BCKDHB: variants seen among roughly 807,000 people sequenced by gnomAD.
The protein encoded by BCKDHB is 2-oxoisovalerate dehydrogenase subunit beta, mitochondrial.
Under a neutral mutation model 48.5 loss-of-function variants are expected in BCKDHB, and 41 were observed. The observed-to-expected ratio is 0.85, with a 90% CI of 0.66 to 1.10. The LOEUF (loss-of-function observed/expected upper bound fraction) is 1.10. BCKDHB is among the 50% of genes least tolerant of loss of function. The pLI is 0.00. For missense variants in BCKDHB, 496 were observed against 494.2 expected, an observed-to-expected ratio of 1.00 and a Z score of -0.03; for synonymous variants, 201 against 174.8, an observed-to-expected ratio of 1.15 and a Z score of -1.18.
At position 80,127,586 on chromosome 6, in the gene BCKDHB, G is replaced by A; in HGVS notation, c.236G>A (p.Ser79Asn). The A allele has an allele frequency of 1.9e-6, 3 of 1,613,148 alleles. No homozygotes were observed. Among genetic ancestry groups the A allele is most frequent in the Non-Finnish European group, 2.5e-6 (3 of 1,179,424 alleles). Residue 79 changes from serine to asparagine, a missense_variant, in exon 2 of 10, where the codon AGT becomes AAT. Transcript: ENST00000320393. ...QKMNLFQSVT[S>N]ALDNSLAKDP... ...ATGAATCTTTTCCAGTCTGTAACAA[G>A]TGCCTTGGATAACTCATTGGCCAAA...
intron 1 of BCKDHB, among the ~76,000 whole-genome samples, chr6:80,122,870 G>A (rs1279064852): frequency 2.0e-5 from 3 of 152,010 alleles, no homozygotes; most frequent in East Asian, 3.9e-4. Context: ...ACCCTAATAA[G>A]CCTGAGGGTA....
At chr6:80,192,230 A>G (rs2127807485) in intron 6 of BCKDHB, among the ~76,000 whole-genome samples, 1 of 152,202 alleles carries the variant, frequency 6.6e-6, no homozygotes, top group African/African-American at 2.4e-5. Flanking sequence ...GATGCCCTTT[A>G]TTGAAATATT....
chr6:80,269,261 C>T, intron 8 of BCKDHB, among the ~76,000 whole-genome samples: 1 of 152,062 alleles, frequency 6.6e-6, no homozygotes, highest in East Asian at 1.9e-4. Flanking sequence ...GATATATCTG[C>T]CTTTGGCAAT....
At chr6:80,335,513 G>A (rs1384159468) in intron 9 of BCKDHB, among the ~76,000 whole-genome samples, 3 of 152,046 alleles carry the variant, frequency 2.0e-5, no homozygotes, top group Admixed American at 2.0e-4. Context: ...GTGGAAATTT[G>A]AGAGCATTGC....
intron 8 of BCKDHB, among the ~76,000 whole-genome samples, chr6:80,226,331 C>T (rs995503115): frequency 2.0e-5 from 3 of 152,170 alleles, no homozygotes; most frequent in Non-Finnish European, 4.4e-5. Context: ...ACCAGAATCT[C>T]TCAGTAAATT....
chr6:80,187,890 T>C (rs1196318223), intron 6 of BCKDHB, among the ~76,000 whole-genome samples: 1 of 152,224 alleles, frequency 6.6e-6, no homozygotes, highest in Non-Finnish European at 1.5e-5. Flanking sequence ...AAATGTCAAC[T>C]GGTTTAGCCA....
At chr6:80,209,154 A>G (rs975686790) in intron 8 of BCKDHB, among the ~76,000 whole-genome samples, 5 of 151,948 alleles carry the variant, frequency 3.3e-5, no homozygotes, top group Admixed American at 1.3e-4. Flanking sequence ...GAAATGGAAG[A>G]TAATTATCTT....
At chr6:80,272,642 C>G (rs1777796010) in intron 8 of BCKDHB, among the ~76,000 whole-genome samples, 1 of 152,146 alleles carries the variant, frequency 6.6e-6, no homozygotes, top group Admixed American at 6.6e-5. Context: ...TTTACTTTTG[C>G]AGGGATTTCT....
the BCKDHB span, among the ~76,000 whole-genome samples, chr6:80,452,657 AT>A: frequency 6.6e-6 from 1 of 152,164 alleles, no homozygotes; most frequent in Non-Finnish European, 1.5e-5. Context: ...TCAAAATTTA[AT>A]TGCTCTTAAT....
chr6:80,111,096 T>G (rs1248520757), intron 1 of BCKDHB, among the ~76,000 whole-genome samples: 1 of 152,238 alleles, frequency 6.6e-6, no homozygotes, highest in East Asian at 1.9e-4. Context: ...AAGATTTGTT[T>G]CTCAATTTGA....
chr6:80,258,032 A>ACATAGTTTATATACATAGTTTAAGAAT (rs1777132837), intron 8 of BCKDHB, among the ~76,000 whole-genome samples: 1 of 152,098 alleles, frequency 6.6e-6, no homozygotes, highest in Non-Finnish European at 1.5e-5. Context: ...TTGTTTATAT[A>ACATAGTTTATATACATAGTTTAAGAAT]TAAGAATAAT....
chr6:80,408,068 T>G, the BCKDHB span, among the ~76,000 whole-genome samples: 1 of 152,020 alleles, frequency 6.6e-6, no homozygotes, highest in Non-Finnish European at 1.5e-5. Context: ...CATGAAGGGG[T>G]GTTGAATTTT....
intron 3 of BCKDHB, among the ~76,000 whole-genome samples, chr6:80,138,454 C>T (rs1771008776): frequency 6.6e-6 from 1 of 152,008 alleles, no homozygotes; most frequent in Non-Finnish European, 1.5e-5. Context: ...TCCCCCAACC[C>T]CACAACAGTC....
chr6:80,414,864 A>G, the BCKDHB span, among the ~76,000 whole-genome samples: 3 of 152,104 alleles, frequency 2.0e-5, no homozygotes, highest in African/African-American at 7.2e-5. Flanking sequence ...CATTACAAGG[A>G]TATTGAATCT....
the BCKDHB span, chr6:80,454,273 T>G: frequency 6.6e-6 from 1 of 152,176 alleles, no homozygotes; most frequent in African/African-American, 2.4e-5. Flanking sequence ...ATGAGTCGAC[T>G]AGAAATACAC....
At chr6:80,435,186 A>G in the BCKDHB span, among the ~76,000 whole-genome samples, 148 of 152,312 alleles carry the variant, frequency 9.7e-4, no homozygotes, top group African/African-American at 3.5e-3. Context: ...CTGTTAGCCA[A>G]TGTCTTAAAA....
intron 9 of BCKDHB, among the ~76,000 whole-genome samples, chr6:80,326,001 A>T (rs1769013706): frequency 1.3e-5 from 2 of 152,202 alleles, no homozygotes. Context: ...AGGACATTAG[A>T]GCAAAACCGA....
At chr6:80,149,902 A>G (rs1014464854) in intron 3 of BCKDHB, among the ~76,000 whole-genome samples, 1 of 151,908 alleles carries the variant, frequency 6.6e-6, no homozygotes, top group African/African-American at 2.4e-5. Context: ...TGGGTGCAGC[A>G]TACCAGCATG....
intron 3 of BCKDHB, among the ~76,000 whole-genome samples, chr6:80,154,720 CT>C (rs1771955938): frequency 6.6e-6 from 1 of 152,076 alleles, no homozygotes; most frequent in Non-Finnish European, 1.5e-5. Context: ...TTGTGCCCAA[CT>C]TCAAGAGCAT....
Sources: allele counts gnomAD v4.1 joint callset (sites outside exome capture counted in the v4.1 genomes callset), GRCh38; gene constraint gnomAD v4.1.1; transcripts MANE v1.5; gene names NCBI Gene and HGNC (gene_info 2026-07-23, HGNC 2026-07-21).